PCDH15: variants seen among roughly 807,000 people sequenced by gnomAD.
PCDH15 encodes the protein protocadherin related 15, also known as protocadherin-15.
Under a neutral mutation model 178.5 loss-of-function variants are expected in PCDH15, and 129 were observed. That is an observed-to-expected ratio of 0.72 (90% confidence interval 0.63 to 0.84). The LOEUF (loss-of-function observed/expected upper bound fraction) is 0.84. Ranked by LOEUF, PCDH15 falls within the 40% of genes least tolerant of loss-of-function variation. The probability of loss-of-function intolerance (pLI) is 0.00; values close to 1 mark genes in which losing one functional copy is unlikely to be tolerated. For missense variants in PCDH15, 2,230 were observed against 2,099.9 expected (o/e 1.06, Z -1.21); for synonymous variants, 800 against 732.0 (o/e 1.09, Z -1.50).
intron 1 of PCDH15, among the ~76,000 whole-genome samples, chr10:55,217,591 T>C (rs771321573): frequency 1.3e-5 from 2 of 151,918 alleles, no homozygotes; most frequent in African/African-American, 2.4e-5. Context: ...AAAGCTATTA[T>C]TGATCAAGGG....
chr10:54,467,601 GTTTTTT>G (rs67776985), intron 3 of PCDH15, among the ~76,000 whole-genome samples: 3 of 45,670 alleles, frequency 6.6e-5, no homozygotes, highest in African/African-American at 2.7e-4. Context: ...TCAAGCTGTA[GTTTTTT>G]TTTTTTTTTT....
At chr10:55,296,694 A>G (rs1260741079) in intron 1 of PCDH15, among the ~76,000 whole-genome samples, 1 of 152,166 alleles carries the variant, frequency 6.6e-6, no homozygotes, top group Non-Finnish European at 1.5e-5. Flanking sequence ...GAACGCTTTC[A>G]TTGAAAACGG....
intron 2 of PCDH15, among the ~76,000 whole-genome samples, chr10:55,590,617 G>C (rs1201589220): frequency 1.3e-5 from 2 of 152,010 alleles, no homozygotes; most frequent in East Asian, 1.9e-4. Flanking sequence ...TTGCTTAATG[G>C]CAGAAATATT....
chr10:54,125,050 A>T (rs1046881156), intron 15 of PCDH15, among the ~76,000 whole-genome samples: 3 of 151,960 alleles, frequency 2.0e-5, no homozygotes, highest in Non-Finnish European at 4.4e-5. Flanking sequence ...ACTATTCAAA[A>T]ATGAGAAGAA....
intron 4 of PCDH15, among the ~76,000 whole-genome samples, chr10:54,376,970 T>A (rs940864170): frequency 4.6e-5 from 7 of 151,978 alleles, no homozygotes; most frequent in Admixed American, 1.3e-4. Flanking sequence ...ATTCATTTTT[T>A]AAAAATCTCT....
intron 11 of PCDH15, among the ~76,000 whole-genome samples, chr10:54,186,227 T>C (rs2048463697): frequency 1.3e-5 from 2 of 152,064 alleles, no homozygotes; most frequent in African/African-American, 4.8e-5. Flanking sequence ...TAGATTATAC[T>C]ATCTTTTAAA....
intron 15 of PCDH15, among the ~76,000 whole-genome samples, chr10:54,090,856 T>C (rs1459621361): frequency 2.0e-5 from 3 of 152,166 alleles, no homozygotes; most frequent in Non-Finnish European, 4.4e-5. Flanking sequence ...TATCCATTTC[T>C]AAAACGAGGA....
At chr10:55,519,393 G>A (rs2184372) in intron 2 of PCDH15, among the ~76,000 whole-genome samples, 62,029 of 151,600 alleles carry the variant, frequency 0.41, 13,346 homozygotes, top group East Asian at 0.81. Context: ...GGTTTCTGGG[G>A]GTTAAAGTCA....
chr10:55,374,221 G>C (rs192318115), intron 2 of PCDH15, among the ~76,000 whole-genome samples: 64 of 152,204 alleles, frequency 4.2e-4, no homozygotes, highest in African/African-American at 1.5e-3. Flanking sequence ...CACCACTGCT[G>C]TATTTGTCCC....
At chr10:55,184,978 T>G (rs61851061) in intron 1 of PCDH15, among the ~76,000 whole-genome samples, 1 of 151,796 alleles carries the variant, frequency 6.6e-6, no homozygotes, top group Non-Finnish European at 1.5e-5. Flanking sequence ...GTTCCTTCAG[T>G]TGGATGTGAA....
At chr10:54,475,165 C>T (rs1302330733) in intron 3 of PCDH15, among the ~76,000 whole-genome samples, 1 of 151,898 alleles carries the variant, frequency 6.6e-6, no homozygotes, top group Non-Finnish European at 1.5e-5. Flanking sequence ...GTTCAAGTCG[C>T]ATTGCCACGA....
intron 2 of PCDH15, among the ~76,000 whole-genome samples, chr10:54,641,903 T>A (rs2134981939): frequency 6.6e-6 from 1 of 152,168 alleles, no homozygotes; most frequent in East Asian, 1.9e-4. Flanking sequence ...ATGGTTTCAC[T>A]TAGAATGAAG....
intron 3 of PCDH15, among the ~76,000 whole-genome samples, chr10:54,878,243 A>G (rs1591759102): frequency 6.6e-6 from 1 of 152,210 alleles, no homozygotes; most frequent in Non-Finnish European, 1.5e-5. Context: ...GATTACAGGC[A>G]TGAGCCACTG....
intron 2 of PCDH15, among the ~76,000 whole-genome samples, chr10:55,026,960 A>G (rs933814235): frequency 4.0e-5 from 6 of 151,882 alleles, no homozygotes; most frequent in Non-Finnish European, 7.4e-5. Context: ...GTCCAAGAAA[A>G]GGGCATATAA....
At position 54,307,003 on chromosome 10, in the gene PCDH15, TATATATATATAC is replaced by T. The variant is rs1474586069; in HGVS notation, c.876+10256_876+10267del. Among the ~76,000 whole-genome samples the T allele has an allele frequency of 7.7e-4, 48 of 62,448 alleles. 1 individual carries two copies. Among genetic ancestry groups the T allele is most frequent in the Non-Finnish European group, 1.3e-3 (32 of 24,616 alleles). The allele number at this position is 62,448 out of a possible 152,430, so 41.0% of individuals were successfully genotyped here. ...CATTTGGCTTGTTTGAAATTAAATA[TATATATATATAC>T]ATATATATATATATGTGTGTGTGTG... is the stretch of plus-strand genomic sequence containing the variant. On this transcript the variant is annotated intron_variant, in intron 8 of 37. Transcript: ENST00000644397.
Position 55,074,897 on chromosome 10 carries a change from G to A in PCDH15, c.-80+91679C>T, listed in dbSNP as rs548830409. Reference sequence around the variant, plus strand: ...CATCTTGAGATAATTTTTGTATAAGGTATATGGAAGGGGTCCAGTTTCAGT... The same window carrying A: ...CATCTTGAGATAATTTTTGTATAAGATATATGGAAGGGGTCCAGTTTCAGT... On this transcript the variant is annotated intron_variant, in intron 2 of 5. Coordinates refer to the PCDH15 transcript ENST00000458638. Among the ~76,000 whole-genome samples, 3 of 152,230 alleles carry A rather than the reference G, an allele frequency of 2.0e-5. No homozygotes were observed. The South Asian group carries it at 6.2e-4, about 32-fold the overall frequency.
chr10:55,505,583 AGTCT>A (rs140327510), intron 2 of PCDH15, among the ~76,000 whole-genome samples: 2,323 of 151,356 alleles, frequency 0.015, 53 homozygotes, highest in African/African-American at 0.054. Context: ...TCTTAGGTAA[AGTCT>A]GTCATCTAAG....
intron 13 of PCDH15, among the ~76,000 whole-genome samples, chr10:54,182,216 C>T (rs1351601823): frequency 1.3e-5 from 2 of 152,228 alleles, no homozygotes; most frequent in Non-Finnish European, 2.9e-5. Context: ...ATCCGCTCGC[C>T]TCGGCCTCCC....
At chr10:55,574,262 AGTG>A (rs1183868769) in intron 2 of PCDH15, among the ~76,000 whole-genome samples, 1 of 152,034 alleles carries the variant, frequency 6.6e-6, no homozygotes, top group African/African-American at 2.4e-5. Flanking sequence ...ACAATGAAAT[AGTG>A]GTAATTCGTA....
Sources: gnomAD v4.1 joint callset for allele counts (sites outside exome capture counted in the v4.1 genomes callset) on GRCh38, gnomAD v4.1.1 for gene constraint, MANE v1.5 for transcripts, NCBI Gene and HGNC (gene_info 2026-07-23, HGNC 2026-07-21) for gene names.